Variants in PDE1C observed in about 807,000 individuals in gnomAD.
PDE1C encodes dual specificity calcium/calmodulin-dependent 3',5'-cyclic nucleotide phosphodiesterase 1C.
PDE1C carries 62 observed loss-of-function variants against 93.1 expected under a neutral mutation model. The ratio of observed to expected loss-of-function variants is 0.67; its 90% CI spans 0.54 to 0.82. PDE1C has a LOEUF of 0.82. Among genes scored for constraint, PDE1C ranks in the 40% least tolerant of loss-of-function variants. The probability of loss-of-function intolerance (pLI) is 0.00; values close to 1 mark genes in which losing one functional copy is unlikely to be tolerated. For synonymous variants in PDE1C, 325 were observed against 310.1 expected (o/e 1.05, Z -0.50); for missense variants, 742 against 884.6 (o/e 0.84, Z 2.04).
intron 2 of PDE1C, among the ~76,000 whole-genome samples, chr7:32,202,398 C>T (rs1562573194): frequency 6.6e-6 from 1 of 152,206 alleles, no homozygotes; most frequent in Non-Finnish European, 1.5e-5. Context: ...GTGAATATTC[C>T]TCCGCTGGAT....
chr7:31,846,930 T>C (rs1268272047), intron 9 of PDE1C, among the ~76,000 whole-genome samples: 2 of 152,138 alleles, frequency 1.3e-5, no homozygotes, highest in Non-Finnish European at 2.9e-5. Context: ...TTAATAAAAA[T>C]CAGCCTCTCA....
chr7:32,112,928 C>G (rs1312497420), intron 3 of PDE1C, among the ~76,000 whole-genome samples: 1 of 146,114 alleles, frequency 6.8e-6, no homozygotes. Context: ...TGATCAGAGG[C>G]AGTAAAGACA....
intron 17 of PDE1C, among the ~76,000 whole-genome samples, chr7:31,761,367 A>G (rs531983599): frequency 6.6e-6 from 1 of 152,314 alleles, no homozygotes; most frequent in Non-Finnish European, 1.5e-5. Context: ...AATAATTTTG[A>G]AGCAATAATC....
At chr7:31,692,214 G>T in the PDE1C span, among the ~76,000 whole-genome samples, 1 of 152,144 alleles carries the variant, frequency 6.6e-6, no homozygotes, top group African/African-American at 2.4e-5. Flanking sequence ...GAGGGTGGGA[G>T]GGTTCATTTT....
At chr7:32,137,171 C>T (rs766164645) in intron 3 of PDE1C, among the ~76,000 whole-genome samples, 7 of 152,218 alleles carry the variant, frequency 4.6e-5, no homozygotes, top group Non-Finnish European at 1.0e-4. Flanking sequence ...TTAAACCCAA[C>T]ATGTACTGTG....
At chr7:32,041,337 T>A (rs1392055330) in intron 2 of PDE1C, among the ~76,000 whole-genome samples, 1 of 152,194 alleles carries the variant, frequency 6.6e-6, no homozygotes, top group East Asian at 1.9e-4. Context: ...TCCAATTTCA[T>A]GGCAGGGCAA....
intron 1 of PDE1C, among the ~76,000 whole-genome samples, chr7:32,374,250 G>GGAAAGGAA (rs1554313993): frequency 5.2e-5 from 3 of 57,894 alleles, no homozygotes; most frequent in East Asian, 1.2e-3. Context: ...AGGAAGGAAA[G>GGAAAGGAA]GAAAGGAAGA....
At chr7:32,291,899 T>C (rs1812352483) in intron 1 of PDE1C, among the ~76,000 whole-genome samples, 1 of 152,224 alleles carries the variant, frequency 6.6e-6, no homozygotes, top group South Asian at 2.1e-4. Context: ...TTAAGTGACT[T>C]ACCCGGGATC....
At chr7:31,974,344 C>G (rs948275008) in intron 2 of PDE1C, among the ~76,000 whole-genome samples, 1 of 152,130 alleles carries the variant, frequency 6.6e-6, no homozygotes, top group South Asian at 2.1e-4. Context: ...CAACAAAAAT[C>G]TTTGTCAAAT....
the PDE1C span, among the ~76,000 whole-genome samples, chr7:31,651,767 G>T: frequency 2.7e-5 from 4 of 147,762 alleles, no homozygotes; most frequent in African/African-American, 5.0e-5. Flanking sequence ...CAATAAAGTT[G>T]TTTTTTTTTT....
chr7:31,623,450 A>G, the PDE1C span, among the ~76,000 whole-genome samples: 2 of 151,790 alleles, frequency 1.3e-5, no homozygotes, highest in Non-Finnish European at 2.9e-5. Flanking sequence ...CTGGTTCAAT[A>G]TACGCAAATC....
chr7:31,826,210 T>C (rs1037784167), intron 12 of PDE1C, among the ~76,000 whole-genome samples: 7 of 152,192 alleles, frequency 4.6e-5, no homozygotes, highest in African/African-American at 1.7e-4. Context: ...TTTGGAAATG[T>C]ATGAATGCAT....
intron 1 of PDE1C, among the ~76,000 whole-genome samples, chr7:32,369,333 T>C (rs1784283833): frequency 6.6e-6 from 1 of 152,118 alleles, no homozygotes; most frequent in Non-Finnish European, 1.5e-5. Context: ...GGCAAAAGAT[T>C]GGAACAGAAA....
intron 3 of PDE1C, chr7:31,879,395 G>C (rs1371019585): frequency 1.9e-6 from 1 of 516,698 alleles, no homozygotes; most frequent in African/African-American, 1.9e-5. Flanking sequence ...TTTCAGGATG[G>C]TTCTCTCTAC....
chr7:31,882,075 A>G (rs1484361290), intron 2 of PDE1C, among the ~76,000 whole-genome samples: 2 of 152,188 alleles, frequency 1.3e-5, no homozygotes, highest in African/African-American at 2.4e-5. Context: ...GACCCACAAT[A>G]AAGAATGAGA....
Position 31,877,962 on chromosome 7 carries a change from C to T in PDE1C, c.492+8G>A, listed in dbSNP as rs760067687. 21 of 1,595,708 alleles carry T rather than the reference C, an allele frequency of 1.3e-5. No individual in the cohort carries two copies. The highest frequency in any genetic ancestry group is 1.1e-4 in the African/African-American group (8 of 74,436). ...ATGTACATTGTAAAATCTTTTCACT[C>T]GTATTACCTTTAATGCCTCAATAAC... On this transcript the variant is annotated splice_region_variant and intron_variant, in intron 5 of 17. Coordinates refer to ENST00000396191, the MANE Select transcript of PDE1C (RefSeq NM_001191057.4).
At chr7:32,193,347 T>C (rs1353059491) in intron 2 of PDE1C, among the ~76,000 whole-genome samples, 1 of 152,204 alleles carries the variant, frequency 6.6e-6, no homozygotes, top group Non-Finnish European at 1.5e-5. Context: ...TTCTGAGAGT[T>C]TCTATCATGA....
At chr7:32,337,033 A>T (rs530968370) in intron 1 of PDE1C, among the ~76,000 whole-genome samples, 1 of 151,806 alleles carries the variant, frequency 6.6e-6, no homozygotes. Context: ...TTCTGCTTTC[A>T]TGTTTCTTAA....
chr7:32,194,272 G>T (rs560649905), intron 2 of PDE1C, among the ~76,000 whole-genome samples: 1 of 152,108 alleles, frequency 6.6e-6, no homozygotes, highest in South Asian at 2.1e-4. Flanking sequence ...TGTGTAGCAC[G>T]GTTCACAGTA....
Sources: gnomAD v4.1 joint callset for allele counts (sites outside exome capture counted in the v4.1 genomes callset) on GRCh38, gnomAD v4.1.1 for gene constraint, MANE v1.5 for transcripts, NCBI Gene and HGNC (gene_info 2026-07-23, HGNC 2026-07-21) for gene names.